RRM2B: variants seen among roughly 807,000 people sequenced by gnomAD.
The protein encoded by RRM2B is ribonucleotide reductase regulatory TP53 inducible subunit M2B, also known as ribonucleoside-diphosphate reductase subunit M2 B.
Under a neutral mutation model 45.9 loss-of-function variants are expected in RRM2B, and 20 were observed. That is an observed-to-expected ratio of 0.44 (90% CI 0.31 to 0.63). The LOEUF (loss-of-function observed/expected upper bound fraction) is 0.63, where lower values mean the gene tolerates loss of function less well. RRM2B is among the 30% of genes least tolerant of loss of function. The probability of loss-of-function intolerance (pLI) is 0.09; values close to 1 mark genes in which losing one functional copy is unlikely to be tolerated. For missense variants in RRM2B, 320 were observed against 414.7 expected, an observed-to-expected ratio of 0.77 and a Z score of 1.98; for synonymous variants, 124 against 132.3, an observed-to-expected ratio of 0.94 and a Z score of 0.43.
chr8:102,208,294 G>A lies in RRM2B; in HGVS notation c.904-9C>T. 1 of 1,519,852 alleles carries A rather than the reference G, an allele frequency of 6.6e-7. No individual in the cohort carries two copies. The allele number at this position is 1,519,852 out of a possible 1,614,324, so 94.1% of individuals were successfully genotyped here. A position where few individuals can be genotyped will look rare whatever the true frequency, so the allele number is the denominator to read the frequency against. On this transcript the variant is annotated splice_polypyrimidine_tract_variant and intron_variant, in intron 8 of 8. Coordinates refer to ENST00000251810, the MANE Select transcript of RRM2B (RefSeq NM_015713.5). The stretch of plus-strand genomic sequence containing the variant: ...TTTTCTGCCTGAAAAACCTAAAAAG[G>A]AAAGAAATATTATTAGACATTCTGA...
rs752122463 is a variant in RRM2B at position 102,206,512 on chromosome 8, C to T, written c.*1621G>A. The T allele has an allele frequency of 6.6e-5, 10 of 152,082 alleles. No homozygotes were observed. Among genetic ancestry groups the T allele is most frequent in the Non-Finnish European group, 1.2e-4 (8 of 68,000 alleles). The allele number at this position is 152,082 out of a possible 1,614,324, so 9.4% of individuals were successfully genotyped here. On this transcript the variant is annotated 3_prime_UTR_variant, in exon 9 of 9. Transcript: ENST00000251810. The stretch of plus-strand genomic sequence containing the variant: ...CCTTTTGCATTCACTTGAGAACTCC[C>T]AGTTTTGATTAGATTGTTATGGAAA...
rs34202689 is a variant in RRM2B, at chr8:102,224,901, T to C, written c.439A>G (p.Arg147Gly). 13 of 1,613,922 alleles carry C rather than the reference T, an allele frequency of 8.1e-6. No individual in the cohort carries two copies. Among genetic ancestry groups the C allele is most frequent in the Non-Finnish European group, 1.1e-5 (13 of 1,179,758 alleles). The part of the protein sequence containing the change: ...MYSLLIDTYI[R>G]DPKKREFLFN... ...CAACAATACCTTTTCTTGGGATCTCTGATGTAAGTGTCTATCAGCAAACTG... is the reference window on the plus strand; with the variant it reads ...CAACAATACCTTTTCTTGGGATCTCCGATGTAAGTGTCTATCAGCAAACTG... The change falls in exon 4 of 9, where the codon AGA becomes GGA. Residue 147 changes from arginine (R) to glycine (G), a missense_variant. This residue lies in a region of RRM2B where 225 missense variants were observed against 289.4 expected (regional missense o/e 0.78). Transcript: ENST00000251810.
intron 1 of RRM2B, among the ~76,000 whole-genome samples, chr8:102,234,568 T>C (rs941229506): frequency 3.3e-5 from 5 of 151,900 alleles, no homozygotes; most frequent in African/African-American, 1.2e-4. Flanking sequence ...AAAGATATGA[T>C]GGGCAGGGCG....
At chr8:102,236,751 A>G (rs924450071) in intron 1 of RRM2B, among the ~76,000 whole-genome samples, 1 of 152,270 alleles carries the variant, frequency 6.6e-6, no homozygotes, top group Admixed American at 6.5e-5. Context: ...AAAGTTTAGC[A>G]GTAGGCATTC....
At chr8:102,221,734 C>A (rs1439052441) in intron 5 of RRM2B, among the ~76,000 whole-genome samples, 1 of 152,184 alleles carries the variant, frequency 6.6e-6, no homozygotes, top group African/African-American at 2.4e-5. Flanking sequence ...TGACTGCCAG[C>A]CTTCTCTGTG....
intron 3 of RRM2B, among the ~76,000 whole-genome samples, chr8:102,225,685 A>C (rs1810920074): frequency 6.6e-6 from 1 of 152,232 alleles, no homozygotes; most frequent in African/African-American, 2.4e-5. Context: ...AGTAAAAATC[A>C]AACTCATGTT....
intron 2 of RRM2B, among the ~76,000 whole-genome samples, chr8:102,228,020 C>G (rs971524447): frequency 3.8e-4 from 58 of 152,198 alleles, no homozygotes; most frequent in African/African-American, 1.1e-3. Context: ...ACTCCACCCT[C>G]AATCCTGGAA....
At chr8:102,219,354 G>A (rs1563662733) in intron 5 of RRM2B, among the ~76,000 whole-genome samples, 1 of 152,292 alleles carries the variant, frequency 6.6e-6, no homozygotes, top group East Asian at 1.9e-4. Flanking sequence ...TCTGAAAGGA[G>A]GAGAGGTTGC....
At chr8:102,238,781 G>C in intron 1 of RRM2B, 46 bp downstream of exon 1, 1 of 1,613,486 alleles carries the variant, frequency 6.2e-7, no homozygotes, top group South Asian at 1.1e-5. Context: ...AATCTAACGG[G>C]CTGGCGTGAC....
rs549655206 is a variant in RRM2B at position 102,204,740 on chromosome 8, T to C, written c.*3393A>G. The C allele has an allele frequency of 4.6e-5, 7 of 152,154 alleles. No homozygotes were observed. Among genetic ancestry groups the C allele is most frequent in the African/African-American group, 1.7e-4 (7 of 41,448 alleles). 9.4% of individuals were successfully genotyped at this position (152,154 alleles called of 1,614,324 possible). ...TTAGATACACCACACATAATAAAGC[T>C]TTCTATGTACACAGTAAATAGTAAA... On this transcript the variant is annotated 3_prime_UTR_variant, in exon 9 of 9. Transcript: ENST00000251810.
chr8:102,237,465 T>C (rs11778107), intron 1 of RRM2B, among the ~76,000 whole-genome samples: 8,248 of 152,312 alleles, frequency 0.054, 262 homozygotes, highest in Middle Eastern at 0.14. Context: ...TCCAGCAATT[T>C]ACATTTTTTA....
chr8:102,235,533 G>T (rs1811104317), intron 1 of RRM2B, among the ~76,000 whole-genome samples: 1 of 152,182 alleles, frequency 6.6e-6, no homozygotes, highest in Non-Finnish European at 1.5e-5. Flanking sequence ...AAGTCAACTA[G>T]GTCATTAGAA....
Position 102,206,004 on chromosome 8 carries a change from C to T in RRM2B, c.*2129G>A, listed in dbSNP as rs1179330209. The T allele has an allele frequency of 6.6e-6, 1 of 152,012 alleles. No individual in the cohort carries two copies. The highest frequency in any genetic ancestry group is 1.5e-5 in the Non-Finnish European group (1 of 67,946). The allele number at this position is 152,012 out of a possible 1,614,324, so 9.4% of individuals were successfully genotyped here. The stretch of plus-strand genomic sequence containing the variant: ...TCAAAACAAAGGAATATACACTGTA[C>T]AATTTTTTTTCTTTCATTCTGATGT... On this transcript the variant is annotated 3_prime_UTR_variant, in exon 9 of 9. Transcript: ENST00000251810.
At chr8:102,224,587 A>C (rs1810894769) in intron 4 of RRM2B, among the ~76,000 whole-genome samples, 1 of 152,250 alleles carries the variant, frequency 6.6e-6, no homozygotes, top group South Asian at 2.1e-4. Context: ...TAGAACAGAA[A>C]TAAAACTCAA....
intron 8 of RRM2B, among the ~76,000 whole-genome samples, chr8:102,211,754 T>C (rs1360422689): frequency 4.6e-5 from 7 of 152,232 alleles, no homozygotes; most frequent in Admixed American, 3.9e-4. Flanking sequence ...ATAATCTTGA[T>C]TTCTCATTAA....
At chr8:102,230,202 T>C (rs1326097782) in intron 2 of RRM2B, among the ~76,000 whole-genome samples, 1 of 152,212 alleles carries the variant, frequency 6.6e-6, no homozygotes, top group African/African-American at 2.4e-5. Flanking sequence ...AGCTCAACCA[T>C]TTAAGCTGAC....
intron 4 of RRM2B, 50 bp from the exon 5 acceptor site, chr8:102,224,190 T>C: frequency 7.6e-7 from 1 of 1,318,798 alleles, no homozygotes; most frequent in Non-Finnish European, 1.1e-6. Flanking sequence ...GTTTTTCTTT[T>C]TTTTTTTTTG....
intron 1 of RRM2B, among the ~76,000 whole-genome samples, chr8:102,236,372 T>A (rs1292919242): frequency 6.6e-6 from 1 of 152,018 alleles, no homozygotes; most frequent in Admixed American, 6.6e-5. Flanking sequence ...TGAATAGAGG[T>A]GGCATTAGGA....
chr8:102,235,303 G>T (rs1811100483), intron 1 of RRM2B, among the ~76,000 whole-genome samples: 2 of 152,140 alleles, frequency 1.3e-5, no homozygotes, highest in South Asian at 4.1e-4. Flanking sequence ...TTGGGACAAG[G>T]GGCAAGAACA....
Sources: gnomAD v4.1 joint callset for allele counts (sites outside exome capture counted in the v4.1 genomes callset) on GRCh38, gnomAD v4.1.1 for gene constraint, gnomAD v4.1.1 regional missense constraint, MANE v1.5 for transcripts, NCBI Gene and HGNC (gene_info 2026-07-23, HGNC 2026-07-21) for gene names.